Variants in PHF20 observed in about 807,000 individuals in gnomAD.
PHF20 encodes the protein glioma-expressed antigen 2.
Under a neutral mutation model 113.5 loss-of-function variants are expected in PHF20, and 23 were observed. The ratio of observed to expected loss-of-function variants is 0.20; its 90% CI spans 0.15 to 0.29. PHF20 has a LOEUF of 0.29. PHF20 is among the 10% of genes least tolerant of loss of function. The pLI is 1.00. For synonymous variants in PHF20, 434 were observed against 457.3 expected (o/e 0.95, Z 0.65); for missense variants, 943 against 1,219.6 (o/e 0.77, Z 3.38).
intron 17 of PHF20, among the ~76,000 whole-genome samples, chr20:35,943,935 A>T (rs1165426012): frequency 6.6e-6 from 1 of 152,190 alleles, no homozygotes; most frequent in Non-Finnish European, 1.5e-5. Context: ...GTACTTTAAA[A>T]CTAAAAGACA....
rs546683673 is a variant in PHF20, at chr20:35,848,935, A to C, written c.340+1501A>C. Among the ~76,000 whole-genome samples, 3 of 152,000 alleles carry C rather than the reference A, an allele frequency of 2.0e-5. No homozygotes were observed. The South Asian group carries it at 6.2e-4, about 32-fold the overall frequency. On this transcript the variant is annotated intron_variant, in intron 4 of 17. Coordinates refer to ENST00000374012, the MANE Select transcript of PHF20 (RefSeq NM_016436.5). ...TTATAGGAGGGAGAGTCTCGAGGCTATGATAGTTCCTAAAATGGTCATTTG... is the reference window on the plus strand; with the variant it reads ...TTATAGGAGGGAGAGTCTCGAGGCTCTGATAGTTCCTAAAATGGTCATTTG...
intron 4 of PHF20, among the ~76,000 whole-genome samples, chr20:35,856,931 CT>C (rs2042838944): frequency 1.3e-5 from 2 of 152,088 alleles, no homozygotes; most frequent in Non-Finnish European, 2.9e-5. Context: ...AGGTTGAATA[CT>C]TTTGGACTTC....
At chr20:35,873,189 C>G (rs1420234067) in intron 9 of PHF20, among the ~76,000 whole-genome samples, 1 of 151,682 alleles carries the variant, frequency 6.6e-6, no homozygotes, top group Non-Finnish European at 1.5e-5. Context: ...CAACCTCTGC[C>G]TCCTGGGTTC....
chr20:35,810,755 C>G (rs976101341), intron 2 of PHF20, among the ~76,000 whole-genome samples: 35 of 152,130 alleles, frequency 2.3e-4, no homozygotes, highest in Non-Finnish European at 3.5e-4. Flanking sequence ...CTGGAAAATG[C>G]ATTCTGATTA....
At chr20:35,849,596 GTGCTTCATCAC>G (rs1347478642) in intron 4 of PHF20, 1 of 447,430 alleles carries the variant, frequency 2.2e-6, no homozygotes, top group Non-Finnish European at 4.6e-6. Context: ...TGGTCAGTTT[GTGCTTCATCAC>G]GATTCACTGT....
At chr20:35,833,050 CAA>C (rs56997481) in intron 2 of PHF20, among the ~76,000 whole-genome samples, 11,652 of 69,328 alleles carry the variant, frequency 0.17, 372 homozygotes, top group South Asian at 0.23. Flanking sequence ...GACTCCATCT[CAA>C]AAAAAAAAAA....
chr20:35,774,130 T>G (rs1470406639), intron 1 of PHF20, among the ~76,000 whole-genome samples: 4 of 151,642 alleles, frequency 2.6e-5, no homozygotes, highest in African/African-American at 9.7e-5. Flanking sequence ...TCGCCCAGGC[T>G]GGAGTGCAGT....
At chr20:35,872,682 T>C (rs979594517) in intron 9 of PHF20, among the ~76,000 whole-genome samples, 1 of 152,242 alleles carries the variant, frequency 6.6e-6, no homozygotes, top group African/African-American at 2.4e-5. Flanking sequence ...TTGTTTCAGT[T>C]TGAAGTATTT....
chr20:35,884,356 G>A (rs976739118), intron 9 of PHF20, among the ~76,000 whole-genome samples: 2 of 152,178 alleles, frequency 1.3e-5, no homozygotes, highest in Non-Finnish European at 2.9e-5. Context: ...GGCAGCAGGA[G>A]GAGGAGGAGC....
chr20:35,921,570 A>G (rs1382637088), intron 13 of PHF20, among the ~76,000 whole-genome samples: 2 of 151,836 alleles, frequency 1.3e-5, no homozygotes, highest in Non-Finnish European at 2.9e-5. Context: ...AGCAGACCCA[A>G]CTACTCCAGA....
chr20:35,904,211 T>C (rs1454059728), intron 10 of PHF20, among the ~76,000 whole-genome samples: 2 of 151,922 alleles, frequency 1.3e-5, no homozygotes, highest in Non-Finnish European at 2.9e-5. Flanking sequence ...AACAGAATAT[T>C]ATAGGATTTG....
intron 2 of PHF20, among the ~76,000 whole-genome samples, chr20:35,822,483 A>T (rs1407440023): frequency 6.6e-6 from 1 of 151,854 alleles, no homozygotes; most frequent in Non-Finnish European, 1.5e-5. Flanking sequence ...AAATGGGATT[A>T]AAAAAATAGA....
At chr20:35,818,631 G>A (rs2146896869) in intron 2 of PHF20, among the ~76,000 whole-genome samples, 1 of 152,000 alleles carries the variant, frequency 6.6e-6, no homozygotes, top group Admixed American at 6.6e-5. Context: ...GTACTCTTGG[G>A]CTCAAGTGAT....
rs144466542 is a variant in PHF20 at position 35,907,861 on chromosome 20, A to G, written c.1562-5388A>G. Among the ~76,000 whole-genome samples, 812 of 152,278 alleles carry G rather than the reference A, an allele frequency of 5.3e-3. 9 individuals carry two copies. The highest frequency in any genetic ancestry group is 0.019 in the African/African-American group (779 of 41,544). ...TATTTCTTTGTTTTTTGCCTCGATG[A>G]TCTTTCTAATGCTGTGTCAGAGGGG... On this transcript the variant is annotated intron_variant, in intron 10 of 17. Coordinates refer to ENST00000374012, the MANE Select transcript of PHF20 (RefSeq NM_016436.5).
chr20:35,928,766 G>GC (rs1053135582), intron 14 of PHF20: 23 of 152,150 alleles, frequency 1.5e-4, no homozygotes, highest in African/African-American at 4.6e-4. Flanking sequence ...ACTTGCCTTT[G>GC]CCCCCTGTGG....
intron 2 of PHF20, among the ~76,000 whole-genome samples, chr20:35,802,871 G>T (rs189406236): frequency 6.6e-6 from 1 of 150,974 alleles, no homozygotes; most frequent in Admixed American, 6.6e-5. Flanking sequence ...CCCGGGAGGT[G>T]GAGGTTGCAG....
At chr20:35,807,276 A>G (rs1204345200) in intron 2 of PHF20, among the ~76,000 whole-genome samples, 1 of 151,944 alleles carries the variant, frequency 6.6e-6, no homozygotes, top group Non-Finnish European at 1.5e-5. Flanking sequence ...TATAACCTCC[A>G]TAAAGATTTT....
At chr20:35,888,962 A>T (rs1276512198) in intron 9 of PHF20, among the ~76,000 whole-genome samples, 1 of 148,590 alleles carries the variant, frequency 6.7e-6, no homozygotes, top group Non-Finnish European at 1.5e-5. Flanking sequence ...ATTTATGTAG[A>T]CTTTGGCCCA....
At chr20:35,812,034 A>G (rs2041988496) in intron 2 of PHF20, among the ~76,000 whole-genome samples, 1 of 151,942 alleles carries the variant, frequency 6.6e-6, no homozygotes, top group African/African-American at 2.4e-5. Flanking sequence ...CAGCCTCCCA[A>G]AGTGCTGGGA....
Sources: gnomAD v4.1 joint callset for allele counts (sites outside exome capture counted in the v4.1 genomes callset) on GRCh38, gnomAD v4.1.1 for gene constraint, MANE v1.5 for transcripts, NCBI Gene and HGNC (gene_info 2026-07-23, HGNC 2026-07-21) for gene names.